Variants in SLC9C2 observed in about 807,000 individuals in gnomAD.
SLC9C2 encodes the protein sodium/hydrogen exchanger 11.
Under a neutral mutation model 140.2 loss-of-function variants are expected in SLC9C2, and 75 were observed. That is an observed-to-expected ratio of 0.53 (90% CI 0.44 to 0.65). The LOEUF (loss-of-function observed/expected upper bound fraction) is 0.65. SLC9C2 is among the 30% of genes least tolerant of loss of function. The pLI is 0.00. For missense variants in SLC9C2, 1,074 were observed against 1,331.8 expected (o/e 0.81, Z 3.01); for synonymous variants, 375 against 420.9 (o/e 0.89, Z 1.34).
intron 10 of SLC9C2, among the ~76,000 whole-genome samples, chr1:173,555,995 G>GGAA (rs1663670131): frequency 6.6e-6 from 1 of 152,094 alleles, no homozygotes; most frequent in East Asian, 1.9e-4. Context: ...GGGACTTCGG[G>GGAA]GCAGCAGCAA....
chr1:173,521,420 C>T (rs766617520), intron 21 of SLC9C2, 21 bp from the exon 22 acceptor site: 13 of 1,262,990 alleles, frequency 1.0e-5, no homozygotes, highest in Middle Eastern at 2.0e-4. Flanking sequence ...AAAAAAAAAA[C>T]GAAAAGAAAA....
At chr1:173,510,972 G>T (rs997578677) in intron 23 of SLC9C2, among the ~76,000 whole-genome samples, 6 of 144,288 alleles carry the variant, frequency 4.2e-5, no homozygotes, top group African/African-American at 1.0e-4. Context: ...AGTGTTCTTA[G>T]TTCTCCACAG....
At chr1:173,525,470 CT>C (rs1375646424) in intron 19 of SLC9C2, among the ~76,000 whole-genome samples, 1 of 152,188 alleles carries the variant, frequency 6.6e-6, no homozygotes, top group African/African-American at 2.4e-5. Context: ...ACACTCTTTT[CT>C]TTTTAACTAA....
intron 13 of SLC9C2, among the ~76,000 whole-genome samples, chr1:173,540,139 C>T (rs1396169704): frequency 6.6e-6 from 1 of 152,116 alleles, no homozygotes; most frequent in Non-Finnish European, 1.5e-5. Flanking sequence ...TGTGAAGAAG[C>T]CCAGTCCAGC....
rs776748391 is a variant in SLC9C2 at position 173,547,795 on chromosome 1, T to A, written c.1462-11A>T. ...TGAAACGTGGGAAAACTGAACCGTA[T>A]CAGATGACATTTTAAAACATAAAGG... On this transcript the variant is annotated splice_polypyrimidine_tract_variant and intron_variant, in intron 12 of 27. Transcript: ENST00000367714. 6.3e-7 allele frequency: 1 copy of A among 1,588,148 alleles called. No homozygotes were observed. The highest frequency in any genetic ancestry group is 1.3e-5 in the African/African-American group (1 of 74,130).
chr1:173,510,867 G>A (rs1659995913), intron 23 of SLC9C2, among the ~76,000 whole-genome samples: 1 of 151,932 alleles, frequency 6.6e-6, no homozygotes, highest in African/African-American at 2.4e-5. Context: ...GGGATTGCTG[G>A]GTCAAATGGT....
chr1:173,517,787 T>C, intron 22 of SLC9C2, 83 bp from the exon 23 acceptor site: 1 of 1,202,078 alleles, frequency 8.3e-7, no homozygotes, highest in East Asian at 2.7e-5. Context: ...CACTATTTCT[T>C]ACAACTTTCC....
chr1:173,512,418 T>C (rs2101910283), intron 23 of SLC9C2, among the ~76,000 whole-genome samples: 1 of 152,322 alleles, frequency 6.6e-6, no homozygotes, highest in South Asian at 2.1e-4. Context: ...GTAGCAATTG[T>C]GTATTGGAGT....
At chr1:173,513,146 A>C (rs757064739) in intron 23 of SLC9C2, among the ~76,000 whole-genome samples, 2 of 152,008 alleles carry the variant, frequency 1.3e-5, no homozygotes, top group Admixed American at 1.3e-4. Context: ...TGCCTCTGCC[A>C]GGTTTTGGTA....
Position 173,601,756 on chromosome 1 carries a change from T to G in SLC9C2, c.21A>C (p.Ala7=). MSSYFW[A]QNESNRPDLL... ...AATCAGGTCTGTTACTTTCATTTTG[T>G]GCCCAGAAGTAAGAACTCATTTTTG... Residue 7 remains alanine (A), a synonymous_variant, in exon 2 of 28, where the codon GCA becomes GCC. Coordinates refer to ENST00000367714, the MANE Select transcript of SLC9C2 (RefSeq NM_178527.4). 1 of 1,614,090 alleles carries G rather than the reference T, an allele frequency of 6.2e-7. No individual in the cohort carries two copies.
chr1:173,523,971 T>C lies in SLC9C2; in HGVS notation c.2638A>G (p.Lys880Glu). 1 of 1,607,952 alleles carries C rather than the reference T, an allele frequency of 6.2e-7. No homozygotes were observed. ...AGAATAGAAAACGGAATCTTTACCT[T>C]GAAGAAGTCAATGAGAACATCTTTA... ...EGKDVLIDFF[K>E]ERAKLACFDS... Residue 880 changes from lysine (K) to glutamate (E), a missense_variant and splice_region_variant, in exon 21 of 28, where the codon AAG (lysine) becomes GAG (glutamate). By Grantham distance (56) the Lys-to-Glu change is moderately conservative. Transcript: ENST00000367714.
intron 24 of SLC9C2, among the ~76,000 whole-genome samples, chr1:173,507,642 A>G (rs1296846508): frequency 6.6e-6 from 1 of 152,132 alleles, no homozygotes; most frequent in Non-Finnish European, 1.5e-5. Context: ...GTCATACTGG[A>G]ATAGGTTGGG....
At chr1:173,535,473 T>C (rs373133609) in intron 15 of SLC9C2, among the ~76,000 whole-genome samples, 4 of 152,224 alleles carry the variant, frequency 2.6e-5, no homozygotes, top group East Asian at 3.8e-4. Flanking sequence ...ATAGAACAGA[T>C]GAAATTAAAC....
chr1:173,517,687 A>G lies in SLC9C2; in HGVS notation c.2757T>C (p.Pro919=). 2 of 1,609,954 alleles carry G rather than the reference A, an allele frequency of 1.2e-6. No individual in the cohort carries two copies. Among genetic ancestry groups the G allele is most frequent in the Non-Finnish European group, 1.7e-6 (2 of 1,178,974 alleles). The part of the protein sequence containing the change: ...SGMAILHSLS[P]TFGIESNQRC... ...TTTGATTACTCTCTATTCCAAAGGTAGGAGATAAACTATGCAACTGCAAAG... is the reference window on the plus strand; with the variant it reads ...TTTGATTACTCTCTATTCCAAAGGTGGGAGATAAACTATGCAACTGCAAAG... The change falls in exon 23 of 28, where the codon CCT becomes CCC. Residue 919 remains proline, a synonymous_variant. Transcript: ENST00000367714.
rs758643461 is a variant in SLC9C2 at position 173,548,373 on chromosome 1, C to A, written c.1461+16G>T. The A allele has an allele frequency of 3.8e-6, 6 of 1,599,154 alleles. No homozygotes were observed. Among genetic ancestry groups the A allele is most frequent in the Non-Finnish European group, 5.1e-6 (6 of 1,174,528 alleles). On this transcript the variant is annotated intron_variant, in intron 12 of 27. Coordinates refer to ENST00000367714, the MANE Select transcript of SLC9C2 (RefSeq NM_178527.4). ...GGAAGGAAAGGAAAACTACTTTTTG[C>A]CAGGTATCAACTCACAGGAATGTAT...
intron 4 of SLC9C2, among the ~76,000 whole-genome samples, chr1:173,596,210 G>T (rs1666449507): frequency 6.6e-6 from 1 of 152,070 alleles, no homozygotes; most frequent in South Asian, 2.1e-4. Flanking sequence ...CCAGACATTT[G>T]AGATTATAAA....
intron 7 of SLC9C2, among the ~76,000 whole-genome samples, chr1:173,577,636 G>A (rs913181373): frequency 1.3e-5 from 2 of 152,044 alleles, no homozygotes; most frequent in African/African-American, 4.8e-5. Context: ...CTCCATTAGT[G>A]GCCCCGTAAC....
intron 13 of SLC9C2, among the ~76,000 whole-genome samples, chr1:173,544,620 A>G (rs993582341): frequency 3.3e-5 from 5 of 152,222 alleles, no homozygotes; most frequent in African/African-American, 9.6e-5. Context: ...ATGTCCATCA[A>G]TGATAGACTG....
At chr1:173,590,247 A>G (rs12565490) in intron 4 of SLC9C2, among the ~76,000 whole-genome samples, 37,393 of 150,380 alleles carry the variant, frequency 0.25, 5,395 homozygotes, top group East Asian at 0.68. Flanking sequence ...CATCTCAAAA[A>G]AAAAAAAAAA....
Sources: gnomAD v4.1 joint callset for allele counts (sites outside exome capture counted in the v4.1 genomes callset) on GRCh38, gnomAD v4.1.1 for gene constraint, MANE v1.5 for transcripts, NCBI Gene and HGNC (gene_info 2026-07-23, HGNC 2026-07-21) for gene names.